The following PPL variants were observed in gnomAD, a reference collection of about 807,000 sequenced individuals.
PPL encodes periplakin, also known as 190 kDa paraneoplastic pemphigus antigen.
In PPL, 198 loss-of-function variants were observed where a neutral mutation model predicts 194.4. That is an observed-to-expected ratio of 1.02 (90% CI 0.91 to 1.15). PPL has a LOEUF of 1.15. Among genes scored for constraint, PPL ranks in the 50% most tolerant of loss-of-function variants. The pLI, the probability that PPL is intolerant of heterozygous loss-of-function variation, is 0.00. For synonymous variants in PPL, 1,220 were observed against 972.4 expected (o/e 1.25, Z -4.74); for missense variants, 2,885 against 2,294.8 (o/e 1.26, Z -5.25).
chr16:4,910,071 T>C (rs2088787919), intron 2 of PPL, among the ~76,000 whole-genome samples: 1 of 151,896 alleles, frequency 6.6e-6, no homozygotes, highest in Non-Finnish European at 1.5e-5. Context: ...TGGTGGAAGG[T>C]TTAAAGAGAA....
At chr16:4,912,090 A>C (rs1414341578) in intron 1 of PPL, among the ~76,000 whole-genome samples, 1 of 152,184 alleles carries the variant, frequency 6.6e-6, no homozygotes, top group Non-Finnish European at 1.5e-5. Flanking sequence ...CACCTGTTTA[A>C]AATACACAGT....
chr16:4,891,977 A>G, intron 15 of PPL, 28 bp from the exon 16 acceptor site: 3 of 1,610,690 alleles, frequency 1.9e-6, no homozygotes, highest in Non-Finnish European at 2.5e-6. Context: ...GCGTCGGGGG[A>G]TGCCCACCTG....
chr16:4,892,195 G>C lies in PPL; in HGVS notation c.1669C>G (p.Leu557Val), dbSNP rs200472038. 6.2e-7 allele frequency: 1 copy of C among 1,612,872 alleles called. No homozygotes were observed. Among genetic ancestry groups the C allele is most frequent in the East Asian group, 2.2e-5 (1 of 44,836 alleles). ...KDLKNITNEL[L>V]RIEPEKTRST... Reference sequence around the variant, plus strand: ...CGCGTCTTCTCAGGTTCAATCCGCAGTAGCTCGTTGGTGATGTTCTGTGGG... The same window carrying C: ...CGCGTCTTCTCAGGTTCAATCCGCACTAGCTCGTTGGTGATGTTCTGTGGG... The change falls in exon 15 of 22, where the codon CTG becomes GTG. Residue 557 changes from leucine to valine, a missense_variant. By Grantham distance (32) the Leu-to-Val change is conservative (BLOSUM62 1). Coordinates refer to ENST00000345988, the MANE Select transcript of PPL (RefSeq NM_002705.5).
chr16:4,892,274 G>A, intron 14 of PPL, 61 bp from the exon 15 acceptor site: 2 of 1,532,494 alleles, frequency 1.3e-6, no homozygotes, highest in South Asian at 2.4e-5. Flanking sequence ...CCCTGAGGAT[G>A]TGCCCAGGGT....
At chr16:4,935,070 G>T (rs1175888839) in intron 1 of PPL, among the ~76,000 whole-genome samples, 3 of 152,192 alleles carry the variant, frequency 2.0e-5, no homozygotes, top group African/African-American at 7.2e-5. Flanking sequence ...GGGACCAATG[G>T]CTATCAGCCT....
intron 1 of PPL, among the ~76,000 whole-genome samples, chr16:4,920,315 A>C: frequency 1.7e-5 from 1 of 58,530 alleles, no homozygotes; most frequent in African/African-American, 3.8e-5. Flanking sequence ...GGAAAGAAGG[A>C]AAGAAAAGAA....
At position 4,885,935 on chromosome 16, in the gene PPL, C is replaced by T. The variant is rs992171289; in HGVS notation, c.2720G>A (p.Arg907Gln). The change falls in exon 22 of 22, where the codon CGG (arginine) becomes CAG (glutamine). Residue 907 changes from arginine to glutamine, a missense_variant. Coordinates refer to ENST00000345988, the MANE Select transcript of PPL (RefSeq NM_002705.5). The surrounding 1 kb of genome is among the most constrained non-coding windows in gnomAD (Gnocchi z 6.3). Reference sequence around the variant, plus strand: ...GCTCTTGACCTCGTTCTCCAGCTGCCGCCTCCGCTCAGTCTCCTCATCCAG... The same window carrying T: ...GCTCTTGACCTCGTTCTCCAGCTGCTGCCTCCGCTCAGTCTCCTCATCCAG... ...KELDEETERR[R>Q]QLENEVKSTQ... 17 of 1,612,896 alleles carry T rather than the reference C, an allele frequency of 1.1e-5. No homozygotes were observed. Among genetic ancestry groups the T allele is most frequent in the African/African-American group, 4.0e-5 (3 of 74,938 alleles).
intron 1 of PPL, among the ~76,000 whole-genome samples, chr16:4,919,262 G>T (rs570575101): frequency 6.6e-6 from 1 of 152,178 alleles, no homozygotes; most frequent in Non-Finnish European, 1.5e-5. Context: ...GGTCCCGGAC[G>T]TGAAGTCACT....
At chr16:4,934,322 C>T (rs768440646) in intron 1 of PPL, among the ~76,000 whole-genome samples, 1 of 149,552 alleles carries the variant, frequency 6.7e-6, no homozygotes, top group Non-Finnish European at 1.5e-5. Context: ...GTTCCGTTCA[C>T]TAATCCACAC....
intron 6 of PPL, among the ~76,000 whole-genome samples, chr16:4,899,733 G>A (rs1352801466): frequency 1.3e-5 from 2 of 152,208 alleles, no homozygotes; most frequent in African/African-American, 2.4e-5. Flanking sequence ...ATCTGTAAAT[G>A]GGGAAGATGA....
intron 2 of PPL, among the ~76,000 whole-genome samples, chr16:4,905,647 G>A (rs752214192): frequency 6.6e-6 from 1 of 152,198 alleles, no homozygotes; most frequent in Non-Finnish European, 1.5e-5. Context: ...AGAAAAACGA[G>A]AAATACACAG....
intron 2 of PPL, among the ~76,000 whole-genome samples, chr16:4,909,115 G>A (rs1023704408): frequency 6.6e-6 from 1 of 152,134 alleles, no homozygotes; most frequent in Non-Finnish European, 1.5e-5. Flanking sequence ...GGAGGCGGGG[G>A]CCCCAGGCAG....
intron 12 of PPL, 158 bp from the exon 13 acceptor site, chr16:4,893,796 TGCTCCTGG>T: frequency 1.6e-6 from 1 of 613,046 alleles, no homozygotes; most frequent in Non-Finnish European, 2.9e-6. Context: ...GGCCTTTCTG[TGCTCCTGG>T]GCTCAGAGCT....
intron 21 of PPL, among the ~76,000 whole-genome samples, chr16:4,886,693 C>T (rs1369722052): frequency 6.6e-6 from 1 of 152,172 alleles, no homozygotes; most frequent in Non-Finnish European, 1.5e-5. Flanking sequence ...GTCTCAGCTC[C>T]CTGCAACCTC....
rs759685654 is a variant in PPL, at chr16:4,892,018, G to C, written c.1829+17C>G. The stretch of plus-strand genomic sequence containing the variant: ...CTGACCCCACCCCAACCTCCATGCT[G>C]CCTGTCTGCCACCCACTTCTCCTGG... On this transcript the variant is annotated intron_variant, in intron 15 of 21. Transcript: ENST00000345988. 3 of 1,611,944 alleles carry C rather than the reference G, an allele frequency of 1.9e-6. No homozygotes were observed. The South Asian group carries it at 3.3e-5, about 18-fold the overall frequency.
chr16:4,901,181 G>A, intron 4 of PPL, 92 bp from the exon 5 acceptor site: 1 of 1,419,192 alleles, frequency 7.0e-7, no homozygotes, highest in Non-Finnish European at 9.5e-7. Flanking sequence ...TGGGCATGAT[G>A]GTGCTCTCTT....
chr16:4,928,962 G>C (rs1186319282), intron 1 of PPL, among the ~76,000 whole-genome samples: 1 of 136,598 alleles, frequency 7.3e-6, no homozygotes, highest in Non-Finnish European at 1.5e-5. Flanking sequence ...GCAGTGAGCT[G>C]AGATTGTGTC....
At chr16:4,916,639 C>T (rs577965324) in intron 1 of PPL, among the ~76,000 whole-genome samples, 2 of 151,060 alleles carry the variant, frequency 1.3e-5, no homozygotes, top group East Asian at 2.0e-4. Flanking sequence ...CGAGTAACTG[C>T]GACTACAGGC....
intron 1 of PPL, among the ~76,000 whole-genome samples, chr16:4,920,977 G>A (rs1199770345): frequency 1.3e-5 from 2 of 152,212 alleles, no homozygotes; most frequent in Non-Finnish European, 2.9e-5. Context: ...CCCAGAACTT[G>A]GTTGGCAGCA....
Sources: gnomAD v4.1 joint callset for allele counts (sites outside exome capture counted in the v4.1 genomes callset) on GRCh38, gnomAD v4.1.1 for gene constraint, Gnocchi (gnomAD v3.1) non-coding constraint, MANE v1.5 for transcripts, NCBI Gene and HGNC (gene_info 2026-07-23, HGNC 2026-07-21) for gene names.